Variants in TNRC18 observed in about 807,000 individuals in gnomAD.
The protein encoded by TNRC18 is trinucleotide repeat containing 18.
TNRC18 carries 69 observed loss-of-function variants against 226.7 expected under a neutral mutation model. That is an observed-to-expected ratio of 0.30 (90% CI 0.25 to 0.37). TNRC18 has a LOEUF of 0.37. Among genes scored for constraint, TNRC18 ranks in the 10% least tolerant of loss-of-function variants. TNRC18 has a pLI of 1.00. For missense variants in TNRC18, 4,754 were observed against 4,256.6 expected (o/e 1.12, Z -3.25); for synonymous variants, 2,449 against 1,927.6 (o/e 1.27, Z -7.09).
rs149379293 is a variant in TNRC18, at chr7:5,333,005, G to A, written c.5764C>T (p.Arg1922Cys). Reference protein sequence around the residue: ...YTDSESEVKVRKRSPAGLLRP... With the variant: ...YTDSESEVKVCKRSPAGLLRP... ...AGCAGCCCCGCAGGCGACCGCTTGCGCACCTTGACCTCGCTCTCTGAGTCG... is the reference window on the plus strand; with the variant it reads ...AGCAGCCCCGCAGGCGACCGCTTGCACACCTTGACCTCGCTCTCTGAGTCG... The change falls in exon 19 of 30, where the codon CGC (arginine) becomes TGC (cysteine). Residue 1922 changes from arginine (R) to cysteine (C), a missense_variant. Physicochemically the swap from Arg to Cys is radical, Grantham distance 180 (BLOSUM62 -3). Coordinates refer to ENST00000430969, the MANE Select transcript of TNRC18 (RefSeq NM_001080495.3). 7.0e-4 allele frequency: 1,105 copies of A among 1,577,042 alleles called. 2 individuals are homozygous for A. Among genetic ancestry groups the A allele is most frequent in the Non-Finnish European group, 8.6e-4 (1,011 of 1,169,746 alleles).
rs7811985 is a variant in TNRC18, at chr7:5,332,495, G to A, written c.6147+127C>T. Reference sequence around the variant, plus strand: ...CTAAGTCCTAGCAGGGGCTCCGGGCGGGCCTGGAGCCGAGTACATGGTTAT... The same window carrying A: ...CTAAGTCCTAGCAGGGGCTCCGGGCAGGCCTGGAGCCGAGTACATGGTTAT... On this transcript the variant is annotated intron_variant, in intron 19 of 29. Transcript: ENST00000430969. 0.59 allele frequency: 606,784 copies of A among 1,034,238 alleles called. 182,100 individuals are homozygous for A. The highest frequency in any genetic ancestry group is 0.75 in the East Asian group (23,491 of 31,154). The allele number at this position is 1,034,238 out of a possible 1,614,324, so 64.1% of individuals were successfully genotyped here.
At chr7:5,373,904 G>T in intron 10 of TNRC18, 151 bp downstream of exon 10, 1 of 565,060 alleles carries the variant, frequency 1.8e-6, no homozygotes, top group Non-Finnish European at 2.9e-6. Flanking sequence ...TCCTGTGTTT[G>T]TCTCAGTGTC....
intron 25 of TNRC18, among the ~76,000 whole-genome samples, chr7:5,315,585 G>A (rs1323563502): frequency 4.6e-5 from 7 of 152,112 alleles, no homozygotes; most frequent in Non-Finnish European, 7.4e-5. Context: ...CACCACGCCC[G>A]GCTAATTTTT....
In TNRC18 at chr7:5,356,182, AAAG is replaced by A. The variant is rs1459489130; in HGVS notation, c.5194+731_5194+733del. The stretch of plus-strand genomic sequence containing the variant: ...CCGTCTCAAATTAAAAAAAAAAAAA[AAAG>A]AAAGAAAATAGTGGGACACAGCCAT... On this transcript the variant is annotated intron_variant, in intron 16 of 29. Coordinates refer to ENST00000430969, the MANE Select transcript of TNRC18 (RefSeq NM_001080495.3). 1.2e-4 allele frequency among the ~76,000 whole-genome samples: 17 copies of A among 146,476 alleles called. 2 individuals are homozygous for A. The highest frequency in any genetic ancestry group is 1.4e-4 in the Admixed American group (2 of 14,642).
In TNRC18 at chr7:5,315,983, G is replaced by A; in HGVS notation, c.6835C>T (p.Leu2279Phe). The stretch of plus-strand genomic sequence containing the variant: ...TGTATCTTATAGTCAGGGGGCAGGA[G>A]GCGGATATGTGAGAGGGGGATCCTG... ...TGRIPLSHIR[L>F]LPPDYKIQCA... Residue 2279 changes from leucine to phenylalanine, a missense_variant, in exon 25 of 30, where the codon CTC becomes TTC. Physicochemically the swap from Leu to Phe is conservative, Grantham distance 22 (BLOSUM62 0). Coordinates refer to ENST00000430969, the MANE Select transcript of TNRC18 (RefSeq NM_001080495.3). The A allele has an allele frequency of 1.3e-6, 2 of 1,599,360 alleles. No homozygotes were observed. Among genetic ancestry groups the A allele is most frequent in the Non-Finnish European group, 1.7e-6 (2 of 1,173,530 alleles).
chr7:5,325,921 A>G (rs1018139683), intron 19 of TNRC18, among the ~76,000 whole-genome samples: 1 of 151,242 alleles, frequency 6.6e-6, no homozygotes, highest in African/African-American at 2.4e-5. Context: ...TTTTTTAGAG[A>G]CAGGGTCTTG....
At chr7:5,318,720 C>G (rs1788079782) in intron 24 of TNRC18, among the ~76,000 whole-genome samples, 1 of 152,054 alleles carries the variant, frequency 6.6e-6, no homozygotes. Flanking sequence ...TGTTGAATGT[C>G]TTCAACATGG....
intron 2 of TNRC18, among the ~76,000 whole-genome samples, chr7:5,395,616 C>T (rs1023352596): frequency 3.9e-5 from 6 of 152,210 alleles, no homozygotes; most frequent in East Asian, 1.9e-4. Flanking sequence ...TACCAGGTCT[C>T]GGTTTGCACA....
chr7:5,389,461 G>GTTTTTTTTTTTTTTTTTTTTTTTTTTTTT lies in TNRC18; in HGVS notation c.488-126_488-125insAAAAAAAAAAAAAAAAAAAAAAAAAAAAA, dbSNP rs754143983. The GTTTTTTTTTTTTTTTTTTTTTTTTTTTTT allele has an allele frequency of 1.4e-5, 8 of 565,556 alleles. No homozygotes were observed. The African/African-American group carries it at 2.2e-4, about 15-fold the overall frequency. The allele number at this position is 565,556 out of a possible 1,614,324, so 35.0% of individuals were successfully genotyped here. On this transcript the variant is annotated intron_variant, in intron 4 of 29. Transcript: ENST00000430969. ...TGCCTCCCCCAGTGTTTTGGTTTTG[G>GTTTTTTTTTTTTTTTTTTTTTTTTTTTTT]TTTTTTTTTTCAGAAAGAGTCTCGC...
At chr7:5,351,424 C>A (rs1791793428) in intron 17 of TNRC18, among the ~76,000 whole-genome samples, 1 of 151,554 alleles carries the variant, frequency 6.6e-6, no homozygotes, top group Admixed American at 6.6e-5. Flanking sequence ...CGAACCCGTG[C>A]CCAAAGAGAG....
At chr7:5,369,707 G>C (rs532029539) in intron 11 of TNRC18, among the ~76,000 whole-genome samples, 1 of 152,254 alleles carries the variant, frequency 6.6e-6, no homozygotes, top group Admixed American at 6.5e-5. Flanking sequence ...CCTAATTACT[G>C]CCGGACTTCA....
intron 18 of TNRC18, among the ~76,000 whole-genome samples, chr7:5,336,197 ACT>A (rs1790103001): frequency 6.7e-6 from 1 of 149,624 alleles, no homozygotes; most frequent in South Asian, 2.1e-4. Context: ...ACAGAGCGAG[ACT>A]CTGTTTTAAA....
chr7:5,384,125 T>G (rs1779589133), intron 5 of TNRC18, among the ~76,000 whole-genome samples: 1 of 151,980 alleles, frequency 6.6e-6, no homozygotes, highest in South Asian at 2.1e-4. Flanking sequence ...CCACCACACT[T>G]GGCTAATATT....
At chr7:5,360,750 C>T (rs1220459970) in intron 14 of TNRC18, among the ~76,000 whole-genome samples, 2 of 152,264 alleles carry the variant, frequency 1.3e-5, no homozygotes, top group Middle Eastern at 3.4e-3. Flanking sequence ...GAGATTTCTA[C>T]CTCTCTCCAT....
intron 5 of TNRC18, among the ~76,000 whole-genome samples, chr7:5,378,910 C>A (rs925466908): frequency 7.5e-6 from 1 of 133,846 alleles, no homozygotes; most frequent in African/African-American, 2.8e-5. Flanking sequence ...GCTAGCCAGG[C>A]GAGGTGGCTC....
At chr7:5,386,158 C>G (rs28796970) in intron 5 of TNRC18, among the ~76,000 whole-genome samples, 3,328 of 147,202 alleles carry the variant, frequency 0.023, 137 homozygotes, top group African/African-American at 0.078. Context: ...CGTGATGGCA[C>G]GCACCTGTAG....
chr7:5,420,555 T>C, intron 2 of TNRC18: 1 of 447,194 alleles, frequency 2.2e-6, no homozygotes, highest in Non-Finnish European at 4.5e-6. Context: ...TCCCCCGGCG[T>C]ACTCCCGCAT....
At chr7:5,343,168 A>T (rs778651577) in intron 18 of TNRC18, among the ~76,000 whole-genome samples, 6 of 152,174 alleles carry the variant, frequency 3.9e-5, no homozygotes, top group Non-Finnish European at 8.8e-5. Flanking sequence ...AGCCTGGCCA[A>T]GATGGGGAAA....
chr7:5,388,067 T>C lies in TNRC18; in HGVS notation c.1757A>G (p.Gln586Arg), dbSNP rs767542688. Residue 586 changes from glutamine (Q) to arginine (R), a missense_variant, in exon 5 of 30, where the codon CAG (glutamine) becomes CGG (arginine). Transcript: ENST00000430969. Reference sequence around the variant, plus strand: ...GCTGCCACTGTACTTTATAAGGCTCTGCATGGCCGAGGCCTCTCCAGACCC... The same window carrying C: ...GCTGCCACTGTACTTTATAAGGCTCCGCATGGCCGAGGCCTCTCCAGACCC... Reference protein sequence around the residue: ...AHGSGEASAMQSLIKYSGSFA... With the variant: ...AHGSGEASAMRSLIKYSGSFA... 38 of 1,556,966 alleles carry C rather than the reference T, an allele frequency of 2.4e-5. No individual in the cohort carries two copies. The highest frequency in any genetic ancestry group is 1.7e-4 in the Admixed American group (9 of 51,626).
Sources: gnomAD v4.1 joint callset for allele counts (sites outside exome capture counted in the v4.1 genomes callset) on GRCh38, gnomAD v4.1.1 for gene constraint, MANE v1.5 for transcripts, NCBI Gene and HGNC (gene_info 2026-07-23, HGNC 2026-07-21) for gene names.